Variants in MFN1 observed in about 807,000 individuals in gnomAD.
The protein encoded by MFN1 is mitofusin-1.
In MFN1, 65 loss-of-function variants were observed where a neutral mutation model predicts 92.4. That is an observed-to-expected ratio of 0.70 (90% CI 0.58 to 0.86). MFN1 has a LOEUF of 0.86. Ranked by LOEUF, MFN1 falls within the 40% of genes least tolerant of loss-of-function variation. MFN1 has a pLI of 0.00. For missense variants in MFN1, 781 were observed against 868.0 expected (o/e 0.90, Z 1.26); for synonymous variants, 297 against 300.9 (o/e 0.99, Z 0.13).
At chr3:179,387,467 C>T (rs1448042192) in intron 16 of MFN1, among the ~76,000 whole-genome samples, 1 of 151,930 alleles carries the variant, frequency 6.6e-6, no homozygotes, top group African/African-American at 2.4e-5. Context: ...AATCGCTTGA[C>T]CCTGGAAGGC....
chr3:179,360,882 C>T (rs1213087241), intron 4 of MFN1, among the ~76,000 whole-genome samples: 1 of 152,156 alleles, frequency 6.6e-6, no homozygotes, highest in Non-Finnish European at 1.5e-5. Context: ...CACAGTGGCT[C>T]ACGCTTGCAA....
At chr3:179,375,373 G>A (rs1170036899) in intron 10 of MFN1, 32 bp downstream of exon 10, 1 of 1,604,606 alleles carries the variant, frequency 6.2e-7, no homozygotes, top group Non-Finnish European at 8.5e-7. Flanking sequence ...ACATAAAAAT[G>A]TTAGTTTTTT....
At chr3:179,360,287 C>A (rs1305620031) in intron 4 of MFN1, among the ~76,000 whole-genome samples, 2 of 152,208 alleles carry the variant, frequency 1.3e-5, no homozygotes, top group East Asian at 3.9e-4. Flanking sequence ...CAAATTTGTC[C>A]CACCTTGGCC....
At chr3:179,363,481 C>T (rs2108533364) in intron 5 of MFN1, among the ~76,000 whole-genome samples, 1 of 151,706 alleles carries the variant, frequency 6.6e-6, no homozygotes, top group African/African-American at 2.4e-5. Context: ...ATAGATACCT[C>T]GTTTACCACG....
At chr3:179,374,988 T>C (rs1713182417) in intron 9 of MFN1, among the ~76,000 whole-genome samples, 1 of 152,250 alleles carries the variant, frequency 6.6e-6, no homozygotes, top group Non-Finnish European at 1.5e-5. Flanking sequence ...CCATTGCACA[T>C]TACTGTGTAA....
At chr3:179,368,635 C>T (rs530044802) in intron 9 of MFN1, among the ~76,000 whole-genome samples, 85 of 152,290 alleles carry the variant, frequency 5.6e-4, no homozygotes, top group African/African-American at 1.9e-3. Context: ...AGAGCTTCAG[C>T]GTTTTCAGAA....
At chr3:179,366,531 G>T (rs1453673361) in intron 7 of MFN1, among the ~76,000 whole-genome samples, 1 of 151,978 alleles carries the variant, frequency 6.6e-6, no homozygotes, top group African/African-American at 2.4e-5. Flanking sequence ...ATATGTAGAG[G>T]ACAAGATAAA....
intron 14 of MFN1, among the ~76,000 whole-genome samples, chr3:179,380,903 G>T (rs1713440601): frequency 6.6e-6 from 1 of 151,586 alleles, no homozygotes; most frequent in Non-Finnish European, 1.5e-5. Flanking sequence ...TTGATGATGA[G>T]GAGCAAATTG....
chr3:179,351,383 G>GTCTT (rs1354569634), intron 2 of MFN1, among the ~76,000 whole-genome samples: 1 of 152,168 alleles, frequency 6.6e-6, no homozygotes, highest in Admixed American at 6.5e-5. Flanking sequence ...TTTCTTCTCT[G>GTCTT]TCTTTGTGTT....
Position 179,386,587 on chromosome 3 carries a change from T to C in MFN1, c.1970T>C (p.Ile657Thr), listed in dbSNP as rs1171721592. The C allele has an allele frequency of 3.7e-6, 6 of 1,613,852 alleles. No individual in the cohort carries two copies. In the African/African-American group the frequency reaches 4.0e-5, roughly 11 times the overall value. The change falls in exon 16 of 18, where the codon ATT becomes ACT. Residue 657 changes from isoleucine to threonine, a missense_variant. Ile to Thr is a moderately conservative substitution (Grantham distance 89). Transcript: ENST00000471841. ...TATGCAACTGAAAAACTGAGGATGATTGTTAGCTCCACGAGTGCAAACTGC... is the reference window on the plus strand; with the variant it reads ...TATGCAACTGAAAAACTGAGGATGACTGTTAGCTCCACGAGTGCAAACTGC... ...VNYATEKLRM[I>T]VSSTSANCSH...
intron 5 of MFN1, among the ~76,000 whole-genome samples, chr3:179,363,494 A>ATT (rs766420716): frequency 1.4e-5 from 2 of 145,998 alleles, no homozygotes; most frequent in African/African-American, 5.0e-5. Flanking sequence ...TTACCACGTG[A>ATT]TTTTTTTTTT....
Position 179,385,572 on chromosome 3 carries a change from C to A in MFN1, c.1666C>A (p.Pro556Thr). 6.3e-7 allele frequency: 1 copy of A among 1,592,954 alleles called. No individual in the cohort carries two copies. The highest frequency in any genetic ancestry group is 1.1e-5 in the South Asian group (1 of 87,122). Residue 556 changes from proline (P) to threonine (T), a missense_variant, in exon 15 of 18, where the codon CCT (proline) becomes ACT (threonine). Coordinates refer to ENST00000471841, the MANE Select transcript of MFN1 (RefSeq NM_033540.3). Reference protein sequence around the residue: ...LGLSEPIFQLPRSLASTPTAP... With the variant: ...LGLSEPIFQLTRSLASTPTAP... ...CCTTTCTCTTTTTTTTTGGCAGCTC[C>A]CTAGATCTTTAGCTTCTACTCCCAC...
intron 3 of MFN1, among the ~76,000 whole-genome samples, chr3:179,355,959 A>C (rs1385013668): frequency 6.6e-6 from 1 of 151,174 alleles, no homozygotes; most frequent in Non-Finnish European, 1.5e-5. Flanking sequence ...CTCAAACAAG[A>C]AAAAAAAATG....
In MFN1 at chr3:179,372,441, C is replaced by T. The variant is rs73883511; in HGVS notation, c.976-2779C>T. On this transcript the variant is annotated intron_variant, in intron 9 of 17. Transcript: ENST00000471841. ...ACTGCTGCATATTATATATGTTCCC[C>T]ATAGAGATTAATTAGCATATTAGTG... Among the ~76,000 whole-genome samples the T allele has an allele frequency of 6.2e-3, 945 of 151,926 alleles. 8 individuals carry two copies. The highest frequency in any genetic ancestry group is 0.022 in the African/African-American group (904 of 41,440).
chr3:179,391,946 T>C, intron 17 of MFN1, 35 bp from the exon 18 acceptor site: 1 of 1,346,686 alleles, frequency 7.4e-7, no homozygotes, highest in Non-Finnish European at 1.1e-6. Context: ...TTGACCTTTA[T>C]AGTAATTAGA....
intron 10 of MFN1, 141 bp from the exon 11 acceptor site, chr3:179,376,901 T>C (rs1713260403): frequency 4.3e-6 from 3 of 693,676 alleles, no homozygotes; most frequent in Non-Finnish European, 6.9e-6. Context: ...GAAATATTAC[T>C]TGAATCCTTT....
intron 16 of MFN1, among the ~76,000 whole-genome samples, chr3:179,387,802 C>T (rs1331425594): frequency 1.3e-5 from 2 of 149,524 alleles, no homozygotes; most frequent in African/African-American, 2.5e-5. Context: ...GATCTCGGCT[C>T]ACCACAACCT....
rs1560196648 is a variant in MFN1 at position 179,374,378 on chromosome 3, TAAC to T, written c.976-840_976-838del. The stretch of plus-strand genomic sequence containing the variant: ...ATAACATATATATGTAATATATATA[TAAC>T]ATATATAACATATATATGTAATATA... On this transcript the variant is annotated intron_variant, in intron 9 of 17. Transcript: ENST00000471841. 9.9e-5 allele frequency among the ~76,000 whole-genome samples: 13 copies of T among 131,066 alleles called. 1 individual carries two copies. Among genetic ancestry groups the T allele is most frequent in the African/African-American group, 2.8e-4 (8 of 28,730 alleles). 86.0% of individuals were successfully genotyped at this position (131,066 alleles called of 152,430 possible).
intron 3 of MFN1, among the ~76,000 whole-genome samples, chr3:179,353,540 T>G (rs1712237018): frequency 6.6e-6 from 1 of 152,184 alleles, no homozygotes; most frequent in African/African-American, 2.4e-5. Flanking sequence ...GTGTCTTTCT[T>G]AAGTTTGACA....
Sources: allele counts gnomAD v4.1 joint callset (sites outside exome capture counted in the v4.1 genomes callset), GRCh38; gene constraint gnomAD v4.1.1; transcripts MANE v1.5; gene names NCBI Gene and HGNC (gene_info 2026-07-23, HGNC 2026-07-21).